The following RIPOR2 variants were observed in gnomAD, a reference collection of about 807,000 sequenced individuals.
RIPOR2 encodes the protein rho family-interacting cell polarization regulator 2.
RIPOR2 carries 39 observed loss-of-function variants against 114.5 expected under a neutral mutation model. The ratio of observed to expected loss-of-function variants is 0.34; its 90% CI spans 0.26 to 0.44. The LOEUF is 0.44. RIPOR2 is among the 20% of genes least tolerant of loss of function. The probability of loss-of-function intolerance (pLI) is 1.00; values close to 1 mark genes in which losing one functional copy is unlikely to be tolerated. For synonymous variants in RIPOR2, 445 were observed against 484.4 expected, an observed-to-expected ratio of 0.92 and a Z score of 1.07; for missense variants, 1,007 against 1,255.1, an observed-to-expected ratio of 0.80 and a Z score of 2.99.
intron 8 of RIPOR2, among the ~76,000 whole-genome samples, chr6:24,860,516 G>A (rs1763971915): frequency 6.6e-6 from 1 of 152,180 alleles, no homozygotes. Context: ...TTTGTTAGCT[G>A]TGAAAACGTG....
rs766465106 is a variant in RIPOR2, at chr6:24,843,119, C to T, written c.1600G>A (p.Glu534Lys). ...ATGTTTCCTTCCGAAGTGTCCAGTT[C>T]CACAGGCTTGAGCTCAGAGGCCTCC... ...SEEASELKPV[E>K]LDTSEGNITK... The change falls in exon 13 of 22, where the codon GAA becomes AAA. Residue 534 changes from glutamate to lysine, a missense_variant. Transcript: ENST00000643898. 6.2e-7 allele frequency: 1 copy of T among 1,613,988 alleles called. No homozygotes were observed. Among genetic ancestry groups the T allele is most frequent in the East Asian group, 2.2e-5 (1 of 44,880 alleles).
chr6:24,879,007 C>T lies in RIPOR2; in HGVS notation c.62-3190G>A, dbSNP rs898261947. Reference sequence around the variant, plus strand: ...TGTCTGTCCAGGATCCTAAGATTGTCAAATACTTTGGGAGGGGGAATAATG... The same window carrying T: ...TGTCTGTCCAGGATCCTAAGATTGTTAAATACTTTGGGAGGGGGAATAATG... On this transcript the variant is annotated intron_variant, in intron 1 of 21. Transcript: ENST00000643898. Among the ~76,000 whole-genome samples, 11 of 138,236 alleles carry T rather than the reference C, an allele frequency of 8.0e-5. 1 individual carries two copies. The highest frequency in any genetic ancestry group is 1.2e-4 in the Non-Finnish European group (8 of 65,102). The allele number at this position is 138,236 out of a possible 152,430, so 90.7% of individuals were successfully genotyped here.
intron 21 of RIPOR2, among the ~76,000 whole-genome samples, chr6:24,807,609 A>G (rs892717198): frequency 1.3e-5 from 2 of 152,168 alleles, no homozygotes; most frequent in African/African-American, 4.8e-5. Context: ...CTATCCTCAA[A>G]ATTGAGTAAA....
intron 1 of RIPOR2, among the ~76,000 whole-genome samples, chr6:24,933,053 G>A (rs1771525000): frequency 6.6e-6 from 1 of 152,144 alleles, no homozygotes; most frequent in Non-Finnish European, 1.5e-5. Context: ...TACCACAGCA[G>A]GGGCAAGGCT....
intron 1 of RIPOR2, among the ~76,000 whole-genome samples, chr6:24,891,528 C>T (rs4712864): frequency 0.19 from 28,245 of 151,606 alleles, 3,170 homozygotes; most frequent in East Asian, 0.33. Context: ...AAAAAAAGGC[C>T]ACCTAATTCT....
intron 1 of RIPOR2, among the ~76,000 whole-genome samples, chr6:24,945,854 C>T (rs573420322): frequency 3.4e-4 from 51 of 152,082 alleles, no homozygotes; most frequent in Non-Finnish European, 5.4e-4. Flanking sequence ...CTTTTATTCT[C>T]GTTTATTTTC....
intron 1 of RIPOR2, among the ~76,000 whole-genome samples, chr6:24,942,945 T>C (rs924943722): frequency 1.3e-5 from 2 of 152,214 alleles, no homozygotes; most frequent in African/African-American, 4.8e-5. Context: ...AATTTGGCTT[T>C]TGTTGCCATT....
At position 24,963,216 on chromosome 6, in the gene RIPOR2, A is replaced by C. The variant is rs1432336306; in HGVS notation, c.76+78635T>G. The stretch of plus-strand genomic sequence containing the variant: ...CCAGCTAATTTTTTGTAATTTTAGC[A>C]GAGACGGGGTTTCACCATGTTGGCC... On this transcript the variant is annotated intron_variant, in intron 1 of 13. Transcript: ENST00000510784. Among the ~76,000 whole-genome samples the C allele has an allele frequency of 2.0e-5, 3 of 152,140 alleles. 1 individual carries two copies.
intron 1 of RIPOR2, among the ~76,000 whole-genome samples, chr6:24,908,174 G>A (rs1008647361): frequency 3.3e-5 from 5 of 152,166 alleles, no homozygotes; most frequent in African/African-American, 1.2e-4. Flanking sequence ...AGCCCAAGTA[G>A]AAAGTCAAAT....
intron 1 of RIPOR2, among the ~76,000 whole-genome samples, chr6:25,021,577 G>A (rs1266009493): frequency 1.3e-5 from 2 of 152,194 alleles, no homozygotes. Flanking sequence ...TCATAAGTGG[G>A]AGCTAAGCTA....
Position 25,007,889 on chromosome 6 carries a change from G to A in RIPOR2, c.76+33962C>T, listed in dbSNP as rs942810005. ...AAATAAGCATGCTGTAGCCCCACCTGCCCTCACCCCTAGTTTGCCCCCGAC... is the reference window on the plus strand; with the variant it reads ...AAATAAGCATGCTGTAGCCCCACCTACCCTCACCCCTAGTTTGCCCCCGAC... On this transcript the variant is annotated intron_variant, in intron 1 of 13. Coordinates refer to the RIPOR2 transcript ENST00000510784. 3.3e-5 allele frequency among the ~76,000 whole-genome samples: 5 copies of A among 151,882 alleles called. No individual in the cohort carries two copies. In the East Asian group the frequency reaches 5.8e-4, roughly 18 times the overall value.
chr6:25,032,760 G>A (rs1387608743), intron 1 of RIPOR2, among the ~76,000 whole-genome samples: 1 of 152,132 alleles, frequency 6.6e-6, no homozygotes. Context: ...TAATATTTAA[G>A]TGGTTCAGAT....
chr6:24,864,254 C>T lies in RIPOR2; in HGVS notation c.651+1047G>A, dbSNP rs551535403. ...CTGAGGCAGGAGAATCACTTGAACC[C>T]GGGAGGCAGAGATTGCAGTGAGCCA... is the stretch of plus-strand genomic sequence containing the variant. On this transcript the variant is annotated intron_variant, in intron 7 of 21. Coordinates refer to ENST00000643898, the MANE Select transcript of RIPOR2 (RefSeq NM_001286445.3). Among the ~76,000 whole-genome samples the T allele has an allele frequency of 3.9e-5, 6 of 152,198 alleles. No homozygotes were observed. The South Asian group carries it at 8.3e-4, about 21-fold the overall frequency.
intron 13 of RIPOR2, 111 bp from the exon 14 acceptor site, chr6:24,839,383 T>C (rs948752396): frequency 8.3e-6 from 12 of 1,440,908 alleles, no homozygotes; most frequent in African/African-American, 2.9e-5. Context: ...CAAGTTTTTA[T>C]TTTTTGTTAG....
At chr6:24,966,176 C>T (rs1421215727) in intron 1 of RIPOR2, among the ~76,000 whole-genome samples, 1 of 152,160 alleles carries the variant, frequency 6.6e-6, no homozygotes, top group Non-Finnish European at 1.5e-5. Flanking sequence ...CCCATCTGAG[C>T]CTGTCCTCAC....
intron 1 of RIPOR2, among the ~76,000 whole-genome samples, chr6:25,038,706 T>C (rs372443669): frequency 3.7e-4 from 57 of 152,330 alleles, no homozygotes; most frequent in African/African-American, 1.3e-3. Context: ...AACACCTTCA[T>C]TGCAGCCTTG....
intron 1 of RIPOR2, among the ~76,000 whole-genome samples, chr6:24,978,997 G>A (rs1339977508): frequency 6.6e-6 from 1 of 152,154 alleles, no homozygotes. Context: ...GCACACTACT[G>A]AGACTCACAT....
At chr6:24,885,685 C>A (rs976399181) in intron 1 of RIPOR2, among the ~76,000 whole-genome samples, 5 of 152,188 alleles carry the variant, frequency 3.3e-5, no homozygotes, top group Admixed American at 6.5e-5. Flanking sequence ...CCAGTTTTCT[C>A]ATTTATATAA....
chr6:24,947,364 A>G (rs1228084478), intron 1 of RIPOR2, among the ~76,000 whole-genome samples: 2 of 152,232 alleles, frequency 1.3e-5, no homozygotes, highest in Non-Finnish European at 2.9e-5. Flanking sequence ...GAGGAAATGA[A>G]GAATTATCGA....
Sources: gnomAD v4.1 joint callset for allele counts (sites outside exome capture counted in the v4.1 genomes callset) on GRCh38, gnomAD v4.1.1 for gene constraint, MANE v1.5 for transcripts, NCBI Gene and HGNC (gene_info 2026-07-23, HGNC 2026-07-21) for gene names.